Variants in LMO7 observed in about 807,000 individuals in gnomAD.
The protein encoded by LMO7 is LIM domain 7, also known as LIM domain only protein 7.
In LMO7, 120 loss-of-function variants were observed where a neutral mutation model predicts 206.5. The observed-to-expected ratio is 0.58, with a 90% CI of 0.50 to 0.68. The LOEUF (loss-of-function observed/expected upper bound fraction) is 0.68, where lower values mean the gene tolerates loss of function less well. LMO7 is among the 30% of genes least tolerant of loss of function. LMO7 has a pLI of 0.00. For synonymous variants in LMO7, 706 were observed against 681.5 expected (o/e 1.04, Z -0.56); for missense variants, 1,959 against 1,957.9 (o/e 1.00, Z -0.01).
chr13:75,822,840 AT>A (rs1181185883), intron 14 of LMO7, among the ~76,000 whole-genome samples: 1 of 146,316 alleles, frequency 6.8e-6, no homozygotes, highest in East Asian at 2.0e-4. Flanking sequence ...ATATATATAT[AT>A]ATAAAACTTT....
Position 75,855,339 on chromosome 13 carries a change from G to A in LMO7, c.4741G>A (p.Gly1581Ser), listed in dbSNP as rs138754009. ...KGAAMIIESL[G>S]LCYHLHCFKC... ...AGCCGCCATGATCATCGAGTCCCTG[G>A]GTCTTTGTTATCATTTGCATTGTTT... Residue 1581 changes from glycine (G) to serine (S), a missense_variant, in exon 29 of 31, where the codon GGT becomes AGT. Gly to Ser is a moderately conservative substitution (Grantham distance 56). Coordinates refer to ENST00000377534, the MANE Select transcript of LMO7 (RefSeq NM_001306080.2). The A allele has an allele frequency of 2.9e-4, 470 of 1,613,398 alleles. No homozygotes were observed. The African/African-American group carries it at 5.8e-3, about 20-fold the overall frequency.
intron 1 of LMO7, among the ~76,000 whole-genome samples, chr13:75,669,214 T>C (rs953053545): frequency 2.6e-5 from 4 of 152,204 alleles, no homozygotes; most frequent in Non-Finnish European, 5.9e-5. Context: ...CAGGATTATG[T>C]TTCAGAGAGT....
chr13:75,755,515 C>G (rs1331590437), intron 3 of LMO7, among the ~76,000 whole-genome samples: 1 of 152,108 alleles, frequency 6.6e-6, no homozygotes, highest in Non-Finnish European at 1.5e-5. Flanking sequence ...CCTTCTTTCT[C>G]TTTGCTATCA....
intron 2 of LMO7, among the ~76,000 whole-genome samples, chr13:75,723,241 A>G (rs895898722): frequency 6.6e-6 from 1 of 152,236 alleles, no homozygotes; most frequent in Non-Finnish European, 1.5e-5. Context: ...TGAACAAAAT[A>G]TAATGCCTTT....
intron 2 of LMO7, among the ~76,000 whole-genome samples, chr13:75,631,038 A>T (rs986816544): frequency 5.9e-5 from 9 of 151,572 alleles, no homozygotes; most frequent in African/African-American, 1.9e-4. Context: ...TATTATTATT[A>T]TTTTTTGAGA....
At chr13:75,755,593 T>C (rs2047626927) in intron 3 of LMO7, among the ~76,000 whole-genome samples, 1 of 152,168 alleles carries the variant, frequency 6.6e-6, no homozygotes, top group Admixed American at 6.5e-5. Flanking sequence ...TCCCAAACCA[T>C]ATTTTAAAAT....
At chr13:75,821,650 C>A (rs1354436435) in intron 14 of LMO7, 41 bp downstream of exon 14, 2 of 1,450,730 alleles carry the variant, frequency 1.4e-6, no homozygotes, top group South Asian at 2.5e-5. Flanking sequence ...TTCTGAAGAG[C>A]AAAATGTTGG....
chr13:75,665,667 C>T (rs1264490326), intron 1 of LMO7, among the ~76,000 whole-genome samples: 4 of 152,128 alleles, frequency 2.6e-5, no homozygotes, highest in Admixed American at 6.5e-5. Context: ...GCTGGGATTA[C>T]AGGCATCTGC....
intron 2 of LMO7, among the ~76,000 whole-genome samples, chr13:75,625,592 T>A (rs2033946985): frequency 6.6e-6 from 1 of 152,148 alleles, no homozygotes; most frequent in Non-Finnish European, 1.5e-5. Context: ...AGCCTTAGGG[T>A]CACAGATTTG....
intron 1 of LMO7, among the ~76,000 whole-genome samples, chr13:75,699,453 A>G (rs1372225151): frequency 6.8e-6 from 1 of 146,236 alleles, no homozygotes. Flanking sequence ...AGCCCCCAAT[A>G]TTTCAATGTA....
intron 1 of LMO7, 104 bp downstream of exon 1, chr13:75,636,830 G>C (rs574726621): frequency 1.5e-4 from 170 of 1,162,950 alleles, no homozygotes; most frequent in Middle Eastern, 1.3e-3. Flanking sequence ...AGCCTCCTTC[G>C]GCGACCCAGC....
intron 1 of LMO7, among the ~76,000 whole-genome samples, chr13:75,683,417 A>G (rs1252530810): frequency 6.6e-6 from 1 of 152,160 alleles, no homozygotes; most frequent in East Asian, 1.9e-4. Flanking sequence ...GTTTGAATTG[A>G]GGTTTACGTT....
At chr13:75,707,131 T>C (rs1446263226) in intron 1 of LMO7, among the ~76,000 whole-genome samples, 4 of 151,458 alleles carry the variant, frequency 2.6e-5, no homozygotes, top group Non-Finnish European at 1.5e-5. Context: ...AATGTTGTTC[T>C]TTTATATTAA....
intron 1 of LMO7, chr13:75,621,915 CT>C: frequency 7.2e-7 from 1 of 1,386,874 alleles, no homozygotes; most frequent in Non-Finnish European, 9.6e-7. Flanking sequence ...TTTGAAAGAA[CT>C]AAGGCAGAGC....
chr13:75,848,457 A>ATCTATCTATCTATCTG (rs1318440589), intron 26 of LMO7, among the ~76,000 whole-genome samples: 1 of 151,880 alleles, frequency 6.6e-6, no homozygotes, highest in African/African-American at 2.4e-5. Flanking sequence ...CTATCTATCT[A>ATCTATCTATCTATCTG]TCTATCTATC....
intron 4 of LMO7, among the ~76,000 whole-genome samples, chr13:75,768,838 C>G (rs1280804634): frequency 6.6e-6 from 1 of 152,092 alleles, no homozygotes; most frequent in Admixed American, 6.6e-5. Context: ...ACATTTTCCT[C>G]TTAGAGAAAA....
At chr13:75,768,120 T>G (rs537245840) in intron 4 of LMO7, among the ~76,000 whole-genome samples, 1 of 152,212 alleles carries the variant, frequency 6.6e-6, no homozygotes, top group East Asian at 1.9e-4. Flanking sequence ...TAAATGGTAT[T>G]GAATTATCAT....
chr13:75,785,890 C>T (rs2052351973), intron 4 of LMO7, among the ~76,000 whole-genome samples: 1 of 152,182 alleles, frequency 6.6e-6, no homozygotes, highest in East Asian at 1.9e-4. Flanking sequence ...TCTGGAAGGA[C>T]ACCTGAAATG....
intron 2 of LMO7, among the ~76,000 whole-genome samples, chr13:75,626,595 A>ATATATATATATATATATATATTTTTT: frequency 1.4e-5 from 1 of 71,096 alleles, no homozygotes; most frequent in Non-Finnish European, 3.6e-5. Context: ...ATATATATAA[A>ATATATATATATATATATATATTTTTT]TTTTTTTGAG....
Sources: allele counts gnomAD v4.1 joint callset (sites outside exome capture counted in the v4.1 genomes callset), GRCh38; gene constraint gnomAD v4.1.1; transcripts MANE v1.5; gene names NCBI Gene and HGNC (gene_info 2026-07-23, HGNC 2026-07-21).